The following PITPNM2 variants were observed in gnomAD, a reference collection of about 807,000 sequenced individuals.
The protein encoded by PITPNM2 is phosphatidylinositol transfer protein membrane associated 2, also known as membrane-associated phosphatidylinositol transfer protein 2.
PITPNM2 carries 35 observed loss-of-function variants against 132.2 expected under a neutral mutation model. The ratio of observed to expected loss-of-function variants is 0.26; its 90% CI spans 0.20 to 0.35. PITPNM2 has a LOEUF of 0.35. PITPNM2 is among the 10% of genes least tolerant of loss of function. PITPNM2 has a pLI of 1.00. For synonymous variants in PITPNM2, 738 were observed against 799.2 expected (o/e 0.92, Z 1.29); for missense variants, 1,332 against 1,912.0 (o/e 0.70, Z 5.66).
chr12:123,011,182 C>T (rs576544357), intron 5 of PITPNM2, among the ~76,000 whole-genome samples: 36 of 152,258 alleles, frequency 2.4e-4, no homozygotes, highest in South Asian at 1.0e-3. Context: ...TTTTTGCGGT[C>T]GGTTCTGCTC....
Position 123,000,303 on chromosome 12 carries a change from C to T in PITPNM2, c.1224+475G>A, listed in dbSNP as rs2038603363. The T allele has an allele frequency of 7.6e-6, 5 of 657,894 alleles. No individual in the cohort carries two copies. Among genetic ancestry groups the T allele is most frequent in the Non-Finnish European group, 2.8e-6 (1 of 363,348 alleles). 40.8% of individuals were successfully genotyped at this position (657,894 alleles called of 1,614,324 possible). ...AGAACCCCCGAAGCGGATACAGGCG[C>T]TCTACCAAGACAGTTTTATTGGACA... On this transcript the variant is annotated intron_variant, in intron 10 of 25. Coordinates refer to ENST00000320201, the MANE Select transcript of PITPNM2 (RefSeq NM_020845.3). This position sits in a 1 kb window ranked among gnomAD's most constrained non-coding sequence, Gnocchi z 5.4.
Position 123,095,983 on chromosome 12 carries a change from C to T in PITPNM2, c.-96+14402G>A, listed in dbSNP as rs1353833890. Among the ~76,000 whole-genome samples, 1 of 152,260 alleles carries T rather than the reference C, an allele frequency of 6.6e-6. No homozygotes were observed. The highest frequency in any genetic ancestry group is 6.5e-5 in the Admixed American group (1 of 15,290). ...GATGCCTGTGATGGCCTGAGAGCTCCTTGAGAGTGGGGGCTGGAATTGATT... is the reference window on the plus strand; with the variant it reads ...GATGCCTGTGATGGCCTGAGAGCTCTTTGAGAGTGGGGGCTGGAATTGATT... On this transcript the variant is annotated intron_variant, in intron 2 of 25. Coordinates refer to ENST00000320201, the MANE Select transcript of PITPNM2 (RefSeq NM_020845.3). This position sits in a 1 kb window ranked among gnomAD's most constrained non-coding sequence, Gnocchi z 5.0.
At chr12:123,130,133 A>G (rs1006633074) in intron 1 of PITPNM2, among the ~76,000 whole-genome samples, 5 of 152,080 alleles carry the variant, frequency 3.3e-5, no homozygotes, top group African/African-American at 1.2e-4. Flanking sequence ...GTACTTGTGA[A>G]TTAATGTGTC....
chr12:122,998,663 C>T (rs901707660), intron 10 of PITPNM2, among the ~76,000 whole-genome samples: 3 of 152,020 alleles, frequency 2.0e-5, no homozygotes, highest in South Asian at 2.1e-4. Context: ...TCCAAGAACC[C>T]GAGGAGACAG....
intron 2 of PITPNM2, among the ~76,000 whole-genome samples, chr12:123,101,027 C>T (rs1328245766): frequency 6.6e-6 from 1 of 152,202 alleles, no homozygotes; most frequent in Non-Finnish European, 1.5e-5. Flanking sequence ...GGCCACCTTT[C>T]CCAGGCAGCT....
In PITPNM2 at chr12:123,023,172, C is replaced by T. The variant is rs1472566823; in HGVS notation, c.79-9130G>A. The stretch of plus-strand genomic sequence containing the variant: ...TGGCCCTTGCTGCCAAAGAGCCTGA[C>T]CCCAGGGTAGAAATGTGTCTCCTGG... On this transcript the variant is annotated intron_variant, in intron 3 of 25. Coordinates refer to ENST00000320201, the MANE Select transcript of PITPNM2 (RefSeq NM_020845.3). The surrounding 1 kb of genome is among the most constrained non-coding windows in gnomAD (Gnocchi z 4.8). Among the ~76,000 whole-genome samples the T allele has an allele frequency of 6.6e-6, 1 of 152,214 alleles. No individual in the cohort carries two copies. The highest frequency in any genetic ancestry group is 2.4e-5 in the African/African-American group (1 of 41,446).
chr12:123,005,448 C>T lies in PITPNM2; in HGVS notation c.744G>A (p.Glu248=). ...SMENIRELEK[E]AQLMLSRKMA... is the part of the protein sequence containing the mutation. ...TCTTACGGGAAAGCATGAGCTGTGC[C>T]TCCTTCTCCAGCTCCCGGATGTTCT... The change falls in exon 7 of 26, where the codon GAG becomes GAA. Residue 248 remains glutamate, a synonymous_variant. Coordinates refer to ENST00000320201, the MANE Select transcript of PITPNM2 (RefSeq NM_020845.3). The surrounding 1 kb of genome is among the most constrained non-coding windows in gnomAD (Gnocchi z 6.2). 1 of 1,614,126 alleles carries T rather than the reference C, an allele frequency of 6.2e-7. No homozygotes were observed. Among genetic ancestry groups the T allele is most frequent in the East Asian group, 2.2e-5 (1 of 44,868 alleles).
At chr12:123,116,863 G>T (rs1484539498) in intron 1 of PITPNM2, among the ~76,000 whole-genome samples, 2 of 152,164 alleles carry the variant, frequency 1.3e-5, no homozygotes, top group East Asian at 3.9e-4. Context: ...ACCAGCCACA[G>T]GAGTGCAGCC....
intron 1 of PITPNM2, among the ~76,000 whole-genome samples, chr12:123,138,410 T>C (rs961510887): frequency 6.6e-6 from 1 of 152,110 alleles, no homozygotes; most frequent in African/African-American, 2.4e-5. Flanking sequence ...TTGGTGTCAC[T>C]GCACAAGCAA....
chr12:123,060,884 G>T (rs1399570951), intron 2 of PITPNM2, among the ~76,000 whole-genome samples: 2 of 152,150 alleles, frequency 1.3e-5, no homozygotes, highest in African/African-American at 4.8e-5. Flanking sequence ...TCATTGGGTA[G>T]ATGGAAAAAT....
intron 11 of PITPNM2, 143 bp downstream of exon 11, chr12:122,997,182 G>A: frequency 7.8e-7 from 1 of 1,275,086 alleles, no homozygotes; most frequent in East Asian, 2.4e-5. Context: ...GTATACGTTT[G>A]GGCACCTCCA....
intron 2 of PITPNM2, among the ~76,000 whole-genome samples, chr12:123,073,441 G>T (rs1156593060): frequency 6.6e-6 from 1 of 151,838 alleles, no homozygotes; most frequent in Non-Finnish European, 1.5e-5. Context: ...ATTCGCCACC[G>T]CCTACACAGG....
chr12:122,988,145 G>T, intron 20 of PITPNM2, 89 bp downstream of exon 20: 1 of 1,184,752 alleles, frequency 8.4e-7, no homozygotes, highest in Non-Finnish European at 1.2e-6. Context: ...AAGACTGCAG[G>T]CTTCCCTGCA....
At chr12:123,134,638 GA>G (rs1036568471) in intron 1 of PITPNM2, among the ~76,000 whole-genome samples, 4 of 144,904 alleles carry the variant, frequency 2.8e-5, no homozygotes, top group African/African-American at 2.5e-5. Flanking sequence ...ACTTACAAGG[GA>G]AAAAAAAAAG....
chr12:123,026,672 G>T (rs1464619480), intron 3 of PITPNM2, among the ~76,000 whole-genome samples: 1 of 152,202 alleles, frequency 6.6e-6, no homozygotes. Flanking sequence ...GCCTTGCTGG[G>T]TGGCTGCGCA....
chr12:123,121,609 T>C (rs888023687), intron 1 of PITPNM2, among the ~76,000 whole-genome samples: 3 of 152,190 alleles, frequency 2.0e-5, no homozygotes, highest in African/African-American at 7.2e-5. Context: ...TGCAGGGGCA[T>C]GATTACAGCT....
At chr12:123,073,640 G>C (rs760584726) in intron 2 of PITPNM2, among the ~76,000 whole-genome samples, 3 of 152,202 alleles carry the variant, frequency 2.0e-5, no homozygotes, top group Non-Finnish European at 2.9e-5. Context: ...GATGCAGACT[G>C]TCTTTCTGAT....
chr12:123,113,639 C>T (rs369348585), intron 1 of PITPNM2, among the ~76,000 whole-genome samples: 11 of 152,042 alleles, frequency 7.2e-5, no homozygotes, highest in Admixed American at 1.3e-4. Flanking sequence ...AGATCAAGGC[C>T]GCAGTGAACT....
chr12:122,997,257 T>C (rs1477165073), intron 11 of PITPNM2, 68 bp downstream of exon 11: 3 of 1,594,948 alleles, frequency 1.9e-6, no homozygotes, highest in Admixed American at 3.4e-5. Context: ...GGGAGCCACC[T>C]GAGGCCCAGG....
Sources: gnomAD v4.1 joint callset for allele counts (sites outside exome capture counted in the v4.1 genomes callset) on GRCh38, gnomAD v4.1.1 for gene constraint, Gnocchi (gnomAD v3.1) non-coding constraint, MANE v1.5 for transcripts, NCBI Gene and HGNC (gene_info 2026-07-23, HGNC 2026-07-21) for gene names.